The following COL24A1 variants were observed in gnomAD, a reference collection of about 807,000 sequenced individuals.
The protein encoded by COL24A1 is collagen alpha-1(XXIV) chain.
In COL24A1, 224 loss-of-function variants were observed where a neutral mutation model predicts 253.9. The ratio of observed to expected loss-of-function variants is 0.88; its 90% CI spans 0.79 to 0.99. The LOEUF (loss-of-function observed/expected upper bound fraction) is 0.99. COL24A1 is among the 50% of genes least tolerant of loss of function. COL24A1 has a pLI of 0.00. For missense variants in COL24A1, 2,131 were observed against 2,068.5 expected (o/e 1.03, Z -0.59); for synonymous variants, 685 against 673.7 (o/e 1.02, Z -0.26).
chr1:85,965,070 A>G lies in COL24A1; in HGVS notation c.2464-8T>C, dbSNP rs183034973. ...CTTTTGACCTGGTTTTCCCTAGAAG[A>G]GAACAGCATAAAAGAAGAAAGTATA... On this transcript the variant is annotated splice_region_variant and splice_polypyrimidine_tract_variant and intron_variant, in intron 22 of 59. Transcript: ENST00000370571. 2.4e-4 allele frequency: 381 copies of G among 1,604,100 alleles called. 1 individual carries two copies. The highest frequency in any genetic ancestry group is 8.3e-4 in the Middle Eastern group (5 of 6,018).
chr1:86,119,308 A>C (rs778745080), intron 3 of COL24A1, among the ~76,000 whole-genome samples: 5 of 151,346 alleles, frequency 3.3e-5, no homozygotes, highest in Non-Finnish European at 7.4e-5. Flanking sequence ...CTCAGACCTC[A>C]AACCTTGGAT....
At chr1:85,842,441 T>C in intron 39 of COL24A1, 48 bp from the exon 40 acceptor site, 1 of 1,237,912 alleles carries the variant, frequency 8.1e-7, no homozygotes, top group Non-Finnish European at 1.2e-6. Context: ...TAAAGAATTG[T>C]TTAAATCATT....
At chr1:85,826,827 T>C (rs918689022) in intron 43 of COL24A1, among the ~76,000 whole-genome samples, 11 of 152,320 alleles carry the variant, frequency 7.2e-5, no homozygotes, top group East Asian at 5.8e-4. Flanking sequence ...GATTTTGGGC[T>C]GAGACAATGG....
chr1:85,921,533 G>A (rs1360515155), intron 24 of COL24A1, among the ~76,000 whole-genome samples: 1 of 152,152 alleles, frequency 6.6e-6, no homozygotes, highest in East Asian at 1.9e-4. Flanking sequence ...AGGCAAACAT[G>A]GTCTGGAGTG....
rs1429202654 is a variant in COL24A1, at chr1:85,896,407, T to A, written c.2781A>T (p.Gly927=). The A allele has an allele frequency of 1.2e-6, 2 of 1,611,824 alleles. No homozygotes were observed. Among genetic ancestry groups the A allele is most frequent in the Non-Finnish European group, 1.7e-6 (2 of 1,178,006 alleles). ...CTAAGAGACCATCTGGTCCTCTTGATCCCTAGAGGTGAAAAAAATATCCTG... is the reference window on the plus strand; with the variant it reads ...CTAAGAGACCATCTGGTCCTCTTGAACCCTAGAGGTGAAAAAAATATCCTG... ...PGSQGPKGQR[G]SRGPDGLLGE... The change falls in exon 29 of 60, where the codon GGA becomes GGT. Residue 927 remains glycine (G), a splice_region_variant and synonymous_variant. Transcript: ENST00000370571.
chr1:85,775,716 GAA>G lies in COL24A1; in HGVS notation c.4339-9_4339-8del. 4.1e-6 allele frequency: 6 copies of G among 1,451,478 alleles called. No homozygotes were observed. Among genetic ancestry groups the G allele is most frequent in the African/African-American group, 1.5e-5 (1 of 68,728 alleles). 89.9% of individuals were successfully genotyped at this position (1,451,478 alleles called of 1,614,324 possible). A position where few individuals can be genotyped will look rare whatever the true frequency, so the allele number is the denominator to read the frequency against. ...CCTTTTCACCTCTGGGTCCCTAAAA[GAA>G]AAAAAAAAGATGTTAGTTCATTGTT... On this transcript the variant is annotated splice_region_variant and splice_polypyrimidine_tract_variant and intron_variant, in intron 52 of 59. Coordinates refer to ENST00000370571, the MANE Select transcript of COL24A1 (RefSeq NM_152890.7).
intron 33 of COL24A1, among the ~76,000 whole-genome samples, chr1:85,876,915 G>C (rs1393833337): frequency 6.6e-6 from 1 of 152,118 alleles, no homozygotes; most frequent in Non-Finnish European, 1.5e-5. Flanking sequence ...TCATTTCAAT[G>C]AGGTAATTAT....
At chr1:85,792,161 G>GAATAT (rs1670339656) in intron 47 of COL24A1, among the ~76,000 whole-genome samples, 1 of 151,922 alleles carries the variant, frequency 6.6e-6, no homozygotes, top group Non-Finnish European at 1.5e-5. Context: ...AATATTTACA[G>GAATAT]AAATATGTTT....
intron 39 of COL24A1, among the ~76,000 whole-genome samples, chr1:85,847,147 C>A (rs1161825919): frequency 6.6e-6 from 1 of 152,136 alleles, no homozygotes; most frequent in Non-Finnish European, 1.5e-5. Flanking sequence ...AAGTATCATG[C>A]TACACTTGTT....
intron 48 of COL24A1, among the ~76,000 whole-genome samples, chr1:85,785,038 G>A (rs1488149989): frequency 6.6e-6 from 1 of 152,030 alleles, no homozygotes; most frequent in Non-Finnish European, 1.5e-5. Context: ...GCCAGAACTT[G>A]TATTTTGAAT....
intron 5 of COL24A1, among the ~76,000 whole-genome samples, chr1:86,100,982 T>C (rs1285779290): frequency 3.9e-5 from 6 of 151,978 alleles, no homozygotes; most frequent in African/African-American, 1.4e-4. Flanking sequence ...TCTAGTAAAA[T>C]ATTGAATCTG....
At chr1:85,846,264 G>A (rs941411502) in intron 39 of COL24A1, among the ~76,000 whole-genome samples, 5 of 151,762 alleles carry the variant, frequency 3.3e-5, no homozygotes, top group Admixed American at 6.6e-5. Flanking sequence ...ATCTTAAAGA[G>A]TTAAGGTAAA....
chr1:85,773,789 C>G lies in COL24A1; in HGVS notation c.4374+1885G>C, dbSNP rs983128507. Among the ~76,000 whole-genome samples, 3 of 152,156 alleles carry G rather than the reference C, an allele frequency of 2.0e-5. No individual in the cohort carries two copies. In the East Asian group the frequency reaches 5.8e-4, roughly 29 times the overall value. On this transcript the variant is annotated intron_variant, in intron 53 of 59. Transcript: ENST00000370571. ...TTTGGGGCTGAGATGATGGGGTTTT[C>G]TAAATATATAATCATGTCATCTGCT...
chr1:86,052,074 T>G (rs1700350404), intron 10 of COL24A1, among the ~76,000 whole-genome samples: 1 of 151,706 alleles, frequency 6.6e-6, no homozygotes, highest in African/African-American at 2.4e-5. Flanking sequence ...GAGGGTGAAA[T>G]AGGGGTGTGA....
intron 39 of COL24A1, among the ~76,000 whole-genome samples, chr1:85,844,479 A>T (rs1476235587): frequency 2.0e-5 from 3 of 152,088 alleles, no homozygotes; most frequent in African/African-American, 7.2e-5. Context: ...TGGGCCAGAC[A>T]TTTAATTCAA....
At position 85,743,876 on chromosome 1, in the gene COL24A1, T is replaced by C. The variant is rs17128176; in HGVS notation, c.4672+790A>G. ...AAGTTCTAGAACGGAAGCAGATGTT[T>C]TGGACATGTGTGTATGTGCGTGTTT... On this transcript the variant is annotated intron_variant, in intron 57 of 59. Coordinates refer to ENST00000370571, the MANE Select transcript of COL24A1 (RefSeq NM_152890.7). Among the ~76,000 whole-genome samples, 1,404 of 152,284 alleles carry C rather than the reference T, an allele frequency of 9.2e-3. 54 individuals are homozygous for C. Among genetic ancestry groups the C allele is most frequent in the Admixed American group, 0.062 (950 of 15,292 alleles).
chr1:86,111,532 G>GATCGGCGCTCTGTAAAACAGACCA (rs1553137735), intron 5 of COL24A1, among the ~76,000 whole-genome samples: 1 of 151,988 alleles, frequency 6.6e-6, no homozygotes, highest in African/African-American at 2.4e-5. Flanking sequence ...AAAACAGAGC[G>GATCGGCGCTCTGTAAAACAGACCA]ATCAGCTCTC....
intron 5 of COL24A1, among the ~76,000 whole-genome samples, chr1:86,099,314 G>C (rs1431395392): frequency 6.6e-6 from 1 of 152,042 alleles, no homozygotes; most frequent in Non-Finnish European, 1.5e-5. Flanking sequence ...ATAATCAGTA[G>C]TTTAGCTTTC....
intron 52 of COL24A1, among the ~76,000 whole-genome samples, chr1:85,779,113 C>G (rs1668896300): frequency 6.6e-6 from 1 of 151,950 alleles, no homozygotes; most frequent in African/African-American, 2.4e-5. Flanking sequence ...TCAAGCAATC[C>G]TCCCATCTTA....
Sources: allele counts gnomAD v4.1 joint callset (sites outside exome capture counted in the v4.1 genomes callset), GRCh38; gene constraint gnomAD v4.1.1; transcripts MANE v1.5; gene names NCBI Gene and HGNC (gene_info 2026-07-23, HGNC 2026-07-21).